RGP1: variants seen among roughly 807,000 people sequenced by gnomAD.
RGP1 encodes the protein RAB6A-GEF complex partner protein 2.
RGP1 carries 28 observed loss-of-function variants against 44.5 expected under a neutral mutation model. The ratio of observed to expected loss-of-function variants is 0.63; its 90% CI spans 0.47 to 0.86. The LOEUF is 0.86. Ranked by LOEUF, RGP1 falls within the 40% of genes least tolerant of loss-of-function variation. The pLI, the probability that RGP1 is intolerant of heterozygous loss-of-function variation, is 0.00. For missense variants in RGP1, 417 were observed against 490.7 expected (o/e 0.85, Z 1.42); for synonymous variants, 212 against 196.7 (o/e 1.08, Z -0.65).
In RGP1 at chr9:35,749,672, G is replaced by C. The variant is rs1217656867; in HGVS notation, c.-19-65G>C. ...CCCCTGTCCTCAGCCCTCAGCCCTA[G>C]GTGCTCACCGCAACGCCCCTCCCTG... On this transcript the variant is annotated intron_variant, in intron 1 of 8. Transcript: ENST00000378078. The surrounding 1 kb of genome is among the most constrained non-coding windows in gnomAD (Gnocchi z 4.4). 2.1e-6 allele frequency: 2 copies of C among 950,252 alleles called. No individual in the cohort carries two copies. The highest frequency in any genetic ancestry group is 3.3e-5 in the African/African-American group (2 of 61,464). The allele number at this position is 950,252 out of a possible 1,614,324, so 58.9% of individuals were successfully genotyped here.
chr9:35,768,633 C>T, the RGP1 span, among the ~76,000 whole-genome samples: 2 of 152,170 alleles, frequency 1.3e-5, no homozygotes, highest in Admixed American at 6.5e-5. Flanking sequence ...GTTATACTAG[C>T]ACAGAGCTGG....
In RGP1 at chr9:35,753,989, C is replaced by T. The variant is rs371826557; in HGVS notation, c.*1115C>T. ...CTGCTCCTCCATTCCTAACGCTTCA[C>T]CCCACTTTACCTTGAGCTTGGAAGT... On this transcript the variant is annotated 3_prime_UTR_variant, in exon 9 of 9. Coordinates refer to ENST00000378078, the MANE Select transcript of RGP1 (RefSeq NM_001080496.3). The surrounding 1 kb of genome is among the most constrained non-coding windows in gnomAD (Gnocchi z 4.2). The T allele has an allele frequency of 1.1e-4, 178 of 1,610,104 alleles. No homozygotes were observed. Among genetic ancestry groups the T allele is most frequent in the Non-Finnish European group, 1.5e-4 (171 of 1,177,408 alleles).
chr9:35,782,632 G>C, the RGP1 span, among the ~76,000 whole-genome samples: 1 of 152,000 alleles, frequency 6.6e-6, no homozygotes. Flanking sequence ...TTTTAGTAGA[G>C]ACGGGGTTTC....
At chr9:35,768,048 G>A in the RGP1 span, among the ~76,000 whole-genome samples, 1 of 151,760 alleles carries the variant, frequency 6.6e-6, no homozygotes, top group Admixed American at 6.6e-5. Flanking sequence ...TGATCTGCCC[G>A]CCTCAGCCTC....
At chr9:35,750,157 T>C in intron 2 of RGP1, 86 bp from the exon 3 acceptor site, 1 of 1,508,374 alleles carries the variant, frequency 6.6e-7, no homozygotes, top group Non-Finnish European at 8.9e-7. Flanking sequence ...CTAACCTTGT[T>C]GGTTAAGATG....
At chr9:35,758,639 T>C (rs997902758), downstream of RGP1, 1 of 152,224 alleles carries the variant, frequency 6.6e-6, no homozygotes, top group Non-Finnish European at 1.5e-5. Flanking sequence ...CCCGTGCTGT[T>C]TTAGCCCCAG....
In RGP1 at chr9:35,755,633, A is replaced by C. The variant is rs1029055294; in HGVS notation, c.*2759A>C. On this transcript the variant is annotated 3_prime_UTR_variant, in exon 9 of 9. Coordinates refer to ENST00000378078, the MANE Select transcript of RGP1 (RefSeq NM_001080496.3). ...GGAGTGTGCAATCTAGATCCCTTGC[A>C]TGCGGAGTTCACAGTGGGGTTTGCA... 11 of 152,324 alleles carry C rather than the reference A, an allele frequency of 7.2e-5. No homozygotes were observed. The East Asian group carries it at 7.7e-4, about 11-fold the overall frequency. The allele number at this position is 152,324 out of a possible 1,614,324, so 9.4% of individuals were successfully genotyped here.
At chr9:35,762,424 C>G (rs1202043068), downstream of RGP1, among the ~76,000 whole-genome samples, 1 of 152,064 alleles carries the variant, frequency 6.6e-6, no homozygotes, top group African/African-American at 2.4e-5. Context: ...CCATATTGTT[C>G]ATATAGAGGT....
At chr9:35,775,507 A>G in the RGP1 span, among the ~76,000 whole-genome samples, 1 of 152,054 alleles carries the variant, frequency 6.6e-6, no homozygotes, top group Non-Finnish European at 1.5e-5. Context: ...TCTCTCGTTC[A>G]GTTTTCTGCC....
chr9:35,764,944 G>A, the RGP1 span, among the ~76,000 whole-genome samples: 5 of 152,224 alleles, frequency 3.3e-5, no homozygotes, highest in South Asian at 8.3e-4. Context: ...TGGCCAACAT[G>A]GTGAAATCCT....
At position 35,753,153 on chromosome 9, in the gene RGP1, A is replaced by T; in HGVS notation, c.*279A>T. 6.2e-7 allele frequency: 1 copy of T among 1,614,198 alleles called. No individual in the cohort carries two copies. The highest frequency in any genetic ancestry group is 8.5e-7 in the Non-Finnish European group (1 of 1,180,022). On this transcript the variant is annotated 3_prime_UTR_variant, in exon 9 of 9. Coordinates refer to ENST00000378078, the MANE Select transcript of RGP1 (RefSeq NM_001080496.3). This position sits in a 1 kb window ranked among gnomAD's most constrained non-coding sequence, Gnocchi z 4.2. ...GGAACAGGGGTGTTGGCTGAGCCCCATTCTGGGTCAGGCCCTCCCCCTTTG... is the reference window on the plus strand; with the variant it reads ...GGAACAGGGGTGTTGGCTGAGCCCCTTTCTGGGTCAGGCCCTCCCCCTTTG...
rs1827317312 is a variant in RGP1, at chr9:35,753,907, C to T, written c.*1033C>T. ...TTCCTGTTTCACAGCTGGAGGAAGC[C>T]TGGGTATTTTGACACGGGATCATCT... On this transcript the variant is annotated 3_prime_UTR_variant, in exon 9 of 9. Transcript: ENST00000378078. This position sits in a 1 kb window ranked among gnomAD's most constrained non-coding sequence, Gnocchi z 4.2. The T allele has an allele frequency of 3.9e-6, 6 of 1,556,620 alleles. No homozygotes were observed. Among genetic ancestry groups the T allele is most frequent in the Non-Finnish European group, 1.7e-6 (2 of 1,145,300 alleles).
chr9:35,768,804 G>T, the RGP1 span, among the ~76,000 whole-genome samples: 1 of 152,208 alleles, frequency 6.6e-6, no homozygotes, highest in African/African-American at 2.4e-5. Flanking sequence ...AGGTAGATAA[G>T]CAGGAGAGGG....
intron 6 of RGP1, 99 bp from the exon 7 acceptor site, chr9:35,751,528 C>T (rs1827264662): frequency 6.3e-7 from 1 of 1,597,050 alleles, no homozygotes; most frequent in Non-Finnish European, 8.6e-7. Context: ...CTGACACCTC[C>T]AATTTTAAAG....
chr9:35,759,539 C>T (rs998945133), downstream of RGP1, among the ~76,000 whole-genome samples: 3 of 122,044 alleles, frequency 2.5e-5, no homozygotes, highest in African/African-American at 9.3e-5. Flanking sequence ...TGCACTCCAG[C>T]CTGGGTGACA....
Position 35,750,348 on chromosome 9 carries a change from C to T in RGP1, c.222C>T (p.Pro74=), listed in dbSNP as rs755215331. 1 of 1,613,934 alleles carries T rather than the reference C, an allele frequency of 6.2e-7. No homozygotes were observed. The stretch of plus-strand genomic sequence containing the variant: ...ACTCTAGTCAGCCAGATGTCCAGCC[C>T]GACAGCCAGACTGTCTTTCTGCCAC... ...PPDSSQPDVQ[P]DSQTVFLPHR... is the part of the protein sequence containing the mutation. Residue 74 remains proline, a synonymous_variant, in exon 3 of 9, where the codon CCC becomes CCT. Coordinates refer to ENST00000378078, the MANE Select transcript of RGP1 (RefSeq NM_001080496.3).
chr9:35,787,890 T>C, the RGP1 span, among the ~76,000 whole-genome samples: 1 of 152,210 alleles, frequency 6.6e-6, no homozygotes, highest in Non-Finnish European at 1.5e-5. Context: ...TCCGTCTGTG[T>C]GCAGGGGACA....
chr9:35,749,722 C>G lies in RGP1; in HGVS notation c.-19-15C>G. 6.6e-7 allele frequency: 1 copy of G among 1,518,440 alleles called. No individual in the cohort carries two copies. Among genetic ancestry groups the G allele is most frequent in the South Asian group, 1.1e-5 (1 of 88,130 alleles). The allele number at this position is 1,518,440 out of a possible 1,614,324, so 94.1% of individuals were successfully genotyped here. A position where few individuals can be genotyped will look rare whatever the true frequency, so the allele number is the denominator to read the frequency against. ...GTCAAGGTGCTGACCTCCGCCCCGC[C>G]TTGTTTCCTTCTAGATCTGATTCCG... is the stretch of plus-strand genomic sequence containing the variant. On this transcript the variant is annotated splice_polypyrimidine_tract_variant and intron_variant, in intron 1 of 8. Coordinates refer to ENST00000378078, the MANE Select transcript of RGP1 (RefSeq NM_001080496.3). This position sits in a 1 kb window ranked among gnomAD's most constrained non-coding sequence, Gnocchi z 4.4.
Position 35,750,350 on chromosome 9 carries a change from A to G in RGP1, c.224A>G (p.Asp75Gly), listed in dbSNP as rs1356621936. The G allele has an allele frequency of 1.9e-6, 3 of 1,613,964 alleles. No homozygotes were observed. Among genetic ancestry groups the G allele is most frequent in the Non-Finnish European group, 2.5e-6 (3 of 1,179,880 alleles). Residue 75 changes from aspartate to glycine, a missense_variant, in exon 3 of 9, where the codon GAC (aspartate) becomes GGC (glycine). Asp to Gly is a moderately conservative substitution (Grantham distance 94, BLOSUM62 -1). Transcript: ENST00000378078. ...TCTAGTCAGCCAGATGTCCAGCCCG[A>G]CAGCCAGACTGTCTTTCTGCCACAC... ...PDSSQPDVQP[D>G]SQTVFLPHRG...
Sources: gnomAD v4.1 joint callset for allele counts (sites outside exome capture counted in the v4.1 genomes callset) on GRCh38, gnomAD v4.1.1 for gene constraint, Gnocchi (gnomAD v3.1) non-coding constraint, MANE v1.5 for transcripts, NCBI Gene and HGNC (gene_info 2026-07-23, HGNC 2026-07-21) for gene names.